Variants in FHIT observed in about 807,000 individuals in gnomAD.
The protein encoded by FHIT is bis(5'-adenosyl)-triphosphatase.
FHIT carries 19 observed loss-of-function variants against 17.9 expected under a neutral mutation model. The ratio of observed to expected loss-of-function variants is 1.06; its 90% CI spans 0.74 to 1.56. The LOEUF (loss-of-function observed/expected upper bound fraction) is 1.56. Among genes scored for constraint, FHIT ranks in the 40% most tolerant of loss-of-function variants. The pLI is 0.00. For missense variants in FHIT, 248 were observed against 189.2 expected (o/e 1.31, Z -1.82); for synonymous variants, 81 against 69.7 (o/e 1.16, Z -0.81).
At chr3:60,416,891 C>G (rs1010162203) in intron 5 of FHIT, among the ~76,000 whole-genome samples, 35 of 151,964 alleles carry the variant, frequency 2.3e-4, no homozygotes, top group African/African-American at 8.2e-4. Flanking sequence ...GCGAGACCAT[C>G]CTGGCTAACA....
chr3:59,901,374 G>T (rs746534780), intron 8 of FHIT, among the ~76,000 whole-genome samples: 1 of 152,118 alleles, frequency 6.6e-6, no homozygotes, highest in Non-Finnish European at 1.5e-5. Flanking sequence ...TCTCGGGAGA[G>T]GTATCATGAG....
At chr3:59,830,164 G>A (rs1331191678) in intron 8 of FHIT, among the ~76,000 whole-genome samples, 1 of 152,150 alleles carries the variant, frequency 6.6e-6, no homozygotes, top group African/African-American at 2.4e-5. Context: ...ACCAAGAATA[G>A]CTTAGTTTAC....
At chr3:60,608,999 A>T (rs1347966036) in intron 4 of FHIT, among the ~76,000 whole-genome samples, 1 of 151,066 alleles carries the variant, frequency 6.6e-6, no homozygotes, top group African/African-American at 2.4e-5. Context: ...ATATGAATGC[A>T]TATGCTGGTC....
At chr3:60,222,428 A>G (rs182415439) in intron 5 of FHIT, among the ~76,000 whole-genome samples, 109 of 152,110 alleles carry the variant, frequency 7.2e-4, no homozygotes, top group African/African-American at 2.6e-3. Flanking sequence ...TGCTCTTTTC[A>G]CCTTTTTACA....
intron 8 of FHIT, among the ~76,000 whole-genome samples, chr3:59,821,923 C>T (rs1700807540): frequency 6.6e-6 from 1 of 151,996 alleles, no homozygotes; most frequent in South Asian, 2.1e-4. Context: ...ACACTGAACC[C>T]AATTTGAGTC....
intron 5 of FHIT, among the ~76,000 whole-genome samples, chr3:60,356,994 A>C (rs33978427): frequency 2.6e-4 from 39 of 151,950 alleles, no homozygotes; most frequent in Admixed American, 2.4e-3. Flanking sequence ...AGCTCTTAAA[A>C]CAATAAGGTG....
chr3:59,957,530 T>A (rs1456835100), intron 7 of FHIT, among the ~76,000 whole-genome samples: 1 of 152,280 alleles, frequency 6.6e-6, no homozygotes, highest in Middle Eastern at 3.2e-3. Flanking sequence ...AATGGATGAA[T>A]GTGTCAACCC....
chr3:60,376,280 A>G (rs993592210), intron 5 of FHIT, among the ~76,000 whole-genome samples: 21 of 152,208 alleles, frequency 1.4e-4, no homozygotes, highest in African/African-American at 4.8e-4. Context: ...CTGACTTACC[A>G]TTTAAATAAA....
intron 5 of FHIT, among the ~76,000 whole-genome samples, chr3:60,123,983 T>G (rs1203552244): frequency 5.0e-5 from 2 of 39,998 alleles, no homozygotes; most frequent in African/African-American, 1.9e-4. Context: ...TATATATATA[T>G]ATATATATAT....
intron 5 of FHIT, among the ~76,000 whole-genome samples, chr3:60,291,196 G>A (rs375124861): frequency 6.6e-6 from 1 of 152,034 alleles, no homozygotes; most frequent in African/African-American, 2.4e-5. Context: ...CTGGAAAAAT[G>A]GGTTGCCGGT....
At chr3:60,515,900 C>T (rs1414315787) in intron 5 of FHIT, among the ~76,000 whole-genome samples, 1 of 152,206 alleles carries the variant, frequency 6.6e-6, no homozygotes, top group Non-Finnish European at 1.5e-5. Context: ...TCCAGGCCCT[C>T]AGCTGCAAAG....
At chr3:60,584,944 C>G (rs951244293) in intron 4 of FHIT, among the ~76,000 whole-genome samples, 1 of 151,978 alleles carries the variant, frequency 6.6e-6, no homozygotes, top group African/African-American at 2.4e-5. Flanking sequence ...AGCCCATAAA[C>G]CTAATCTAAA....
intron 5 of FHIT, among the ~76,000 whole-genome samples, chr3:60,444,990 G>T (rs2031218284): frequency 6.6e-6 from 1 of 152,090 alleles, no homozygotes; most frequent in African/African-American, 2.4e-5. Flanking sequence ...AGATTGAAAA[G>T]CGATGAAAGG....
intron 7 of FHIT, among the ~76,000 whole-genome samples, chr3:59,970,571 G>C (rs1377284485): frequency 1.3e-5 from 2 of 152,060 alleles, no homozygotes; most frequent in African/African-American, 4.8e-5. Context: ...CAAGCGGAGG[G>C]AACAGCCTTT....
At chr3:61,108,589 C>T (rs1045624173) in intron 2 of FHIT, among the ~76,000 whole-genome samples, 1 of 152,208 alleles carries the variant, frequency 6.6e-6, no homozygotes. Flanking sequence ...TCTCCTAGAG[C>T]ACTTGAGTTT....
intron 5 of FHIT, among the ~76,000 whole-genome samples, chr3:60,209,582 GATTT>G (rs1703356056): frequency 6.6e-6 from 1 of 152,092 alleles, no homozygotes; most frequent in African/African-American, 2.4e-5. Context: ...CTCTGCAAAG[GATTT>G]GTTTGTTTAG....
chr3:60,902,961 C>T (rs1706199999), intron 3 of FHIT, among the ~76,000 whole-genome samples: 1 of 152,164 alleles, frequency 6.6e-6, no homozygotes, highest in African/African-American at 2.4e-5. Context: ...ACATCAGACA[C>T]CCCAACTTTA....
intron 3 of FHIT, among the ~76,000 whole-genome samples, chr3:61,035,500 G>A (rs185924569): frequency 6.2e-4 from 95 of 152,282 alleles, no homozygotes; most frequent in Non-Finnish European, 1.2e-3. Flanking sequence ...AAGTTAGTCA[G>A]AATTAGTTTC....
At chr3:59,922,981 C>T (rs908301945) in intron 7 of FHIT, among the ~76,000 whole-genome samples, 1 of 151,854 alleles carries the variant, frequency 6.6e-6, no homozygotes, top group African/African-American at 2.4e-5. Flanking sequence ...ATGAGGTGGC[C>T]GGGCACGGTG....
Sources: allele counts gnomAD v4.1 joint callset (sites outside exome capture counted in the v4.1 genomes callset), GRCh38; gene constraint gnomAD v4.1.1; transcripts MANE v1.5; gene names NCBI Gene and HGNC (gene_info 2026-07-23, HGNC 2026-07-21).